The following EVC2 variants were observed in gnomAD, a reference collection of about 807,000 sequenced individuals.
EVC2 encodes limbin.
Under a neutral mutation model 149.3 loss-of-function variants are expected in EVC2, and 148 were observed. The observed-to-expected ratio is 0.99, with a 90% CI of 0.87 to 1.14. The LOEUF (loss-of-function observed/expected upper bound fraction) is 1.14, where lower values mean the gene tolerates loss of function less well. Among genes scored for constraint, EVC2 ranks in the 50% most tolerant of loss-of-function variants. EVC2 has a pLI of 0.00. For synonymous variants in EVC2, 776 were observed against 649.9 expected (o/e 1.19, Z -2.95); for missense variants, 1,854 against 1,627.3 (o/e 1.14, Z -2.40).
chr4:5,664,155 G>A (rs1047699370), intron 8 of EVC2, among the ~76,000 whole-genome samples: 1 of 152,094 alleles, frequency 6.6e-6, no homozygotes, highest in South Asian at 2.1e-4. Flanking sequence ...CGCAGTGTTG[G>A]TGCCCCCATT....
intron 19 of EVC2, among the ~76,000 whole-genome samples, chr4:5,571,251 G>A (rs1304552069): frequency 1.4e-5 from 2 of 146,240 alleles, no homozygotes; most frequent in Non-Finnish European, 3.0e-5. Flanking sequence ...CAGGGAGGTG[G>A]AGGTTGCAGT....
At chr4:5,557,641 C>A (rs1367324700), downstream of EVC2, among the ~76,000 whole-genome samples, 5 of 151,980 alleles carry the variant, frequency 3.3e-5, no homozygotes, top group Non-Finnish European at 7.4e-5. Context: ...ACATAATTGT[C>A]TATATAGAAC....
At chr4:5,630,700 C>G (rs900611590) in intron 11 of EVC2, among the ~76,000 whole-genome samples, 4 of 152,138 alleles carry the variant, frequency 2.6e-5, no homozygotes, top group African/African-American at 9.7e-5. Context: ...CCCTATGGAC[C>G]TGACTCTGCC....
intron 14 of EVC2, among the ~76,000 whole-genome samples, chr4:5,620,006 G>A (rs1715565859): frequency 6.6e-6 from 1 of 152,150 alleles, no homozygotes; most frequent in African/African-American, 2.4e-5. Flanking sequence ...CTCAGTGTGG[G>A]AATGTGGGGC....
In EVC2 at chr4:5,614,992, A is replaced by G. The variant is rs970702624; in HGVS notation, c.2829+430T>C. 6.6e-6 allele frequency among the ~76,000 whole-genome samples: 1 copy of G among 151,266 alleles called. No individual in the cohort carries two copies. Among genetic ancestry groups the G allele is most frequent in the Non-Finnish European group, 1.5e-5 (1 of 67,586 alleles). On this transcript the variant is annotated intron_variant, in intron 16 of 21. Transcript: ENST00000344408. The surrounding 1 kb of genome is among the most constrained non-coding windows in gnomAD (Gnocchi z 4.7). ...ACTCCATTTCAAAAAAACCAAAACC[A>G]AACAAACAAAAAAAAATGGGGCTGA...
Position 5,640,641 on chromosome 4 carries a change from T to C in EVC2, c.1343A>G (p.Asp448Gly). The C allele has an allele frequency of 6.2e-7, 1 of 1,614,154 alleles. No individual in the cohort carries two copies. Among genetic ancestry groups the C allele is most frequent in the Non-Finnish European group, 8.5e-7 (1 of 1,180,026 alleles). Residue 448 changes from aspartate (D) to glycine (G), a missense_variant, in exon 10 of 22, where the codon GAT becomes GGT. Physicochemically the swap from Asp to Gly is moderately conservative, Grantham distance 94. Coordinates refer to ENST00000344408, the MANE Select transcript of EVC2 (RefSeq NM_147127.5). The surrounding 1 kb of genome is among the most constrained non-coding windows in gnomAD (Gnocchi z 4.6). ...AGCTGTCAATGCCACCATCTTCCGA[T>C]CGTACTCCTCTTGTATTTCATTTTC... ...LLENEIQEEY[D>G]RKMVALTAEC... is the part of the protein sequence containing the mutation.
intron 2 of EVC2, among the ~76,000 whole-genome samples, chr4:5,694,925 G>A (rs763000343): frequency 3.3e-5 from 5 of 152,064 alleles, no homozygotes; most frequent in Non-Finnish European, 7.4e-5. Context: ...AACAGCATAG[G>A]TCTCACCTCA....
rs34769603 is a variant in EVC2 at position 5,635,029 on chromosome 4, CTTTTTTTTTTTT to C, written c.1471-3009_1471-2998del. ...ATTTTAAATACTGTCAACAAATGTG[CTTTTTTTTTTTT>C]TTTTTTTTTTTTTGAGACAGAGTCT... is the stretch of plus-strand genomic sequence containing the variant. On this transcript the variant is annotated intron_variant, in intron 10 of 21. Coordinates refer to ENST00000344408, the MANE Select transcript of EVC2 (RefSeq NM_147127.5). Among the ~76,000 whole-genome samples the C allele has an allele frequency of 8.8e-4, 63 of 71,466 alleles. 1 individual carries two copies. Among genetic ancestry groups the C allele is most frequent in the Non-Finnish European group, 1.4e-3 (58 of 41,272 alleles). 46.9% of individuals were successfully genotyped at this position (71,466 alleles called of 152,430 possible). A position where few individuals can be genotyped will look rare whatever the true frequency, so the allele number is the denominator to read the frequency against.
chr4:5,608,335 T>A (rs1328150985), intron 16 of EVC2, among the ~76,000 whole-genome samples: 1 of 152,172 alleles, frequency 6.6e-6, no homozygotes, highest in African/African-American at 2.4e-5. Flanking sequence ...AGTGGGCCTC[T>A]TGGGCAGTGT....
intron 9 of EVC2, among the ~76,000 whole-genome samples, chr4:5,656,975 G>A (rs1284928019): frequency 6.6e-6 from 1 of 152,160 alleles, no homozygotes; most frequent in African/African-American, 2.4e-5. Context: ...AAGGCAAGTG[G>A]AGTCACCAAC....
chr4:5,574,838 G>C, intron 18 of EVC2, 66 bp from the exon 19 acceptor site: 1 of 1,471,448 alleles, frequency 6.8e-7, no homozygotes, highest in Non-Finnish European at 9.5e-7. Context: ...AGATCATCTA[G>C]TTATTTAAAT....
At chr4:5,545,293 A>T (rs1721593310) in intron 21 of EVC2, among the ~76,000 whole-genome samples, 1 of 152,212 alleles carries the variant, frequency 6.6e-6, no homozygotes, top group African/African-American at 2.4e-5. Flanking sequence ...ATAGATAATG[A>T]TTCCACTTTC....
intron 16 of EVC2, among the ~76,000 whole-genome samples, chr4:5,589,412 G>A (rs1409074592): frequency 1.3e-5 from 2 of 152,190 alleles, no homozygotes; most frequent in African/African-American, 4.8e-5. Context: ...TTCCATGGAA[G>A]TGCTGCGCAG....
intron 1 of EVC2, among the ~76,000 whole-genome samples, chr4:5,700,847 C>T (rs1310338468): frequency 6.6e-6 from 1 of 151,984 alleles, no homozygotes; most frequent in Non-Finnish European, 1.5e-5. Context: ...CAACGTTCCA[C>T]TTAATGATCA....
intron 1 of EVC2, among the ~76,000 whole-genome samples, chr4:5,699,167 T>TGCAGAGACAGTG (rs996017057): frequency 4.6e-5 from 7 of 152,196 alleles, no homozygotes; most frequent in African/African-American, 1.7e-4. Flanking sequence ...TGATGGAAAT[T>TGCAGAGACAGTG]GCAGAGACAG....
intron 14 of EVC2, among the ~76,000 whole-genome samples, chr4:5,621,986 G>A (rs1416371307): frequency 2.0e-5 from 3 of 152,128 alleles, no homozygotes; most frequent in African/African-American, 4.8e-5. Context: ...TACATAGCCC[G>A]AGAAATGGAC....
intron 16 of EVC2, among the ~76,000 whole-genome samples, chr4:5,596,176 C>A (rs1713394683): frequency 1.3e-5 from 2 of 152,148 alleles, no homozygotes; most frequent in African/African-American, 4.8e-5. Context: ...AGAAAGTTAA[C>A]AAGGATACCC....
intron 2 of EVC2, among the ~76,000 whole-genome samples, chr4:5,695,296 C>T (rs1721402357): frequency 1.3e-5 from 2 of 149,754 alleles, no homozygotes; most frequent in South Asian, 4.2e-4. Context: ...TGCAGTGAGC[C>T]GAGATCATGC....
At chr4:5,605,123 T>A (rs1011522378) in intron 16 of EVC2, among the ~76,000 whole-genome samples, 4 of 152,230 alleles carry the variant, frequency 2.6e-5, no homozygotes, top group African/African-American at 9.6e-5. Flanking sequence ...ACATACAAAA[T>A]ATTACTCAAC....
Sources: gnomAD v4.1 joint callset for allele counts (sites outside exome capture counted in the v4.1 genomes callset) on GRCh38, gnomAD v4.1.1 for gene constraint, Gnocchi (gnomAD v3.1) non-coding constraint, MANE v1.5 for transcripts, NCBI Gene and HGNC (gene_info 2026-07-23, HGNC 2026-07-21) for gene names.